The following GRID2 variants were observed in gnomAD, a reference collection of about 807,000 sequenced individuals.
The protein encoded by GRID2 is glutamate receptor ionotropic, delta-2.
Under a neutral mutation model 114.8 loss-of-function variants are expected in GRID2, and 33 were observed. That is an observed-to-expected ratio of 0.29 (90% CI 0.22 to 0.38). GRID2 has a LOEUF of 0.38. Ranked by LOEUF, GRID2 falls within the 10% of genes least tolerant of loss-of-function variation. The pLI is 1.00. For missense variants in GRID2, 1,184 were observed against 1,257.7 expected (o/e 0.94, Z 0.89); for synonymous variants, 505 against 449.9 (o/e 1.12, Z -1.55).
chr4:92,854,266 T>C (rs75706914), intron 2 of GRID2, among the ~76,000 whole-genome samples: 1,926 of 152,100 alleles, frequency 0.013, 46 homozygotes, highest in African/African-American at 0.044. Context: ...ATTTCCCTCA[T>C]GCTGAACAAG....
chr4:93,342,974 A>G (rs1759817741), intron 8 of GRID2, among the ~76,000 whole-genome samples: 1 of 152,150 alleles, frequency 6.6e-6, no homozygotes, highest in Non-Finnish European at 1.5e-5. Context: ...CTTAAGTGCA[A>G]GAGACATCAG....
chr4:93,110,838 T>G lies in GRID2; in HGVS notation c.620T>G (p.Met207Arg). 1 of 1,610,544 alleles carries G rather than the reference T, an allele frequency of 6.2e-7. No homozygotes were observed. The highest frequency in any genetic ancestry group is 8.5e-7 in the Non-Finnish European group (1 of 1,176,792). The change falls in exon 4 of 16, where the codon ATG becomes AGG. Residue 207 changes from methionine to arginine, a missense_variant. Physicochemically the swap from Met to Arg is moderately conservative, Grantham distance 91 (BLOSUM62 -1). Around this residue, in one of 3 missense-constraint regions of GRID2, gnomAD observed 455 missense variants for 429.5 expected, o/e 1.06. Coordinates refer to ENST00000282020, the MANE Select transcript of GRID2 (RefSeq NM_001510.4). The part of the protein sequence containing the change: ...LQKVENNINK[M>R]ITTLFDTMRI... ...AAGGTAGAAAACAACATCAATAAAA[T>G]GATTACCACTCTCTTTGACACCATG...
chr4:93,286,542 T>TC (rs1324881479), intron 8 of GRID2, among the ~76,000 whole-genome samples: 1 of 151,992 alleles, frequency 6.6e-6, no homozygotes, highest in African/African-American at 2.4e-5. Flanking sequence ...TGCCATAACT[T>TC]CCCCAAGCCT....
chr4:93,597,223 T>A (rs1389075291), intron 13 of GRID2, among the ~76,000 whole-genome samples: 1 of 151,290 alleles, frequency 6.6e-6, no homozygotes, highest in African/African-American at 2.4e-5. Context: ...AGTCAGCTAT[T>A]TTTTTAACAA....
intron 2 of GRID2, among the ~76,000 whole-genome samples, chr4:92,806,119 G>A (rs952912989): frequency 1.1e-4 from 17 of 148,840 alleles, no homozygotes; most frequent in Admixed American, 3.4e-4. Flanking sequence ...GGGTTATATT[G>A]CATCTTTGCT....
chr4:92,417,961 C>T (rs1002849649), intron 1 of GRID2, among the ~76,000 whole-genome samples: 2 of 152,122 alleles, frequency 1.3e-5, no homozygotes, highest in African/African-American at 4.8e-5. Flanking sequence ...TTGCCTTCTG[C>T]CATGATTGTG....
rs1752716002 is a variant in GRID2, at chr4:92,960,293, G to A, written c.245-124702G>A. On this transcript the variant is annotated intron_variant, in intron 2 of 15. Coordinates refer to ENST00000282020, the MANE Select transcript of GRID2 (RefSeq NM_001510.4). ...TTATATTCAGTTCATTGATGGTGCTGTAGAGTTCAAATATATCCTTACTTA... is the reference window on the plus strand; with the variant it reads ...TTATATTCAGTTCATTGATGGTGCTATAGAGTTCAAATATATCCTTACTTA... 3.3e-5 allele frequency among the ~76,000 whole-genome samples: 5 copies of A among 152,138 alleles called. No homozygotes were observed. In the South Asian group the frequency reaches 1.0e-3, roughly 32 times the overall value.
intron 8 of GRID2, among the ~76,000 whole-genome samples, chr4:93,278,267 T>TA (rs34349130): frequency 0.56 from 82,400 of 148,310 alleles, 23,269 homozygotes; most frequent in Middle Eastern, 0.72. Context: ...ATTTTGACTT[T>TA]AAAAAAAAAA....
At chr4:93,355,521 A>G (rs1453900155) in intron 8 of GRID2, among the ~76,000 whole-genome samples, 1 of 152,080 alleles carries the variant, frequency 6.6e-6, no homozygotes, top group Admixed American at 6.6e-5. Context: ...GAGGAAGTGG[A>G]AGATGCCAAT....
chr4:92,981,193 A>T (rs1043281963), intron 2 of GRID2, among the ~76,000 whole-genome samples: 16 of 152,206 alleles, frequency 1.1e-4, no homozygotes, highest in African/African-American at 3.6e-4. Flanking sequence ...AAGTTTGCTG[A>T]ATTATACCTA....
At chr4:92,486,094 G>A (rs996303253) in intron 1 of GRID2, among the ~76,000 whole-genome samples, 1 of 151,204 alleles carries the variant, frequency 6.6e-6, no homozygotes. Context: ...AAAACATAAA[G>A]TGGCCAATTC....
intron 10 of GRID2, among the ~76,000 whole-genome samples, chr4:93,433,799 A>G (rs191044738): frequency 5.6e-4 from 86 of 152,290 alleles, no homozygotes; most frequent in Admixed American, 9.2e-4. Context: ...TAAATCCCAC[A>G]TGACCATTCC....
chr4:93,617,293 T>A (rs1476663132), intron 13 of GRID2, among the ~76,000 whole-genome samples: 1 of 152,210 alleles, frequency 6.6e-6, no homozygotes, highest in East Asian at 1.9e-4. Flanking sequence ...CAATAATGTA[T>A]GTTTCTTGAT....
rs1484076509 is a variant in GRID2 at position 92,667,917 on chromosome 4, C to G, written c.244+77631C>G. Among the ~76,000 whole-genome samples the G allele has an allele frequency of 3.3e-5, 5 of 151,780 alleles. 1 individual carries two copies. In the East Asian group the frequency reaches 9.7e-4, roughly 29 times the overall value. On this transcript the variant is annotated intron_variant, in intron 2 of 15. Coordinates refer to ENST00000282020, the MANE Select transcript of GRID2 (RefSeq NM_001510.4). ...CCTGCACTTCAAGAATTAATGTAGC[C>G]CTCTTCAAAGATTATGACCTTTTCT...
At chr4:92,878,985 C>T (rs1002135827) in intron 2 of GRID2, among the ~76,000 whole-genome samples, 1 of 152,118 alleles carries the variant, frequency 6.6e-6, no homozygotes, top group African/African-American at 2.4e-5. Context: ...AGGGAAATGG[C>T]ATCATTTTAA....
chr4:93,778,427 C>A (rs1489896153), downstream of GRID2, among the ~76,000 whole-genome samples: 1 of 125,206 alleles, frequency 8.0e-6, no homozygotes, highest in African/African-American at 3.1e-5. Context: ...GACAGAGTCT[C>A]GCTCTGTCAC....
In GRID2 at chr4:92,460,053, T is replaced by TAC. The variant is rs70940890; in HGVS notation, c.89-130070_89-130069dup. ...CTCACTATATATATATATATATATATACACACACAACTTTTTGGTTCTGTT... is the reference window on the plus strand; with the variant it reads ...CTCACTATATATATATATATATATATACACACACACAACTTTTTGGTTCTGTT... On this transcript the variant is annotated intron_variant, in intron 1 of 15. Coordinates refer to ENST00000282020, the MANE Select transcript of GRID2 (RefSeq NM_001510.4). Among the ~76,000 whole-genome samples the TAC allele has an allele frequency of 1.3e-3, 130 of 99,534 alleles. 2 individuals carry two copies. Among genetic ancestry groups the TAC allele is most frequent in the Non-Finnish European group, 1.7e-3 (84 of 49,758 alleles). 65.3% of individuals were successfully genotyped at this position (99,534 alleles called of 152,430 possible). A position where few individuals can be genotyped will look rare whatever the true frequency, so the allele number is the denominator to read the frequency against.
intron 14 of GRID2, among the ~76,000 whole-genome samples, chr4:93,728,748 C>T (rs1469356968): frequency 6.6e-6 from 1 of 152,114 alleles, no homozygotes; most frequent in Non-Finnish European, 1.5e-5. Context: ...TAATGGCCTT[C>T]TTTGTCTCTT....
rs79715463 is a variant in GRID2, at chr4:92,771,135, C to T, written c.244+180849C>T. 4.8e-4 allele frequency among the ~76,000 whole-genome samples: 73 copies of T among 152,248 alleles called. No homozygotes were observed. In the East Asian group the frequency reaches 0.014, roughly 29 times the overall value. On this transcript the variant is annotated intron_variant, in intron 2 of 15. Transcript: ENST00000282020. ...CATAATTTGCTTTAACCCAGTATTT[C>T]CAAACATGTTACTGAAACACATTCT...
Sources: gnomAD v4.1 joint callset for allele counts (sites outside exome capture counted in the v4.1 genomes callset) on GRCh38, gnomAD v4.1.1 for gene constraint, gnomAD v4.1.1 regional missense constraint, MANE v1.5 for transcripts, NCBI Gene and HGNC (gene_info 2026-07-23, HGNC 2026-07-21) for gene names.